LRP1B: variants seen among roughly 807,000 people sequenced by gnomAD.
The protein encoded by LRP1B is low-density lipoprotein receptor-related protein 1B.
A neutral mutation model predicts 556.6 loss-of-function variants in LRP1B; 217 were observed. The observed-to-expected ratio is 0.39, with a 90% confidence interval of 0.35 to 0.44. LRP1B has a LOEUF of 0.44. Among genes scored for constraint, LRP1B ranks in the 20% least tolerant of loss-of-function variants. The pLI is 1.00. For missense variants in LRP1B, 5,053 were observed against 5,620.8 expected (o/e 0.90, Z 3.23); for synonymous variants, 2,047 against 1,865.8 (o/e 1.10, Z -2.50).
At chr2:140,909,901 T>C (rs888016611) in intron 21 of LRP1B, among the ~76,000 whole-genome samples, 5 of 151,046 alleles carry the variant, frequency 3.3e-5, no homozygotes, top group African/African-American at 7.3e-5. Flanking sequence ...ACAAGAACTA[T>C]ACAACACTTA....
rs1309061687 is a variant in LRP1B at position 140,326,714 on chromosome 2, T to TTTATGGTAG, written c.12224-845_12224-837dup. 7.3e-5 allele frequency among the ~76,000 whole-genome samples: 11 copies of TTTATGGTAG among 151,686 alleles called. 3 individuals are homozygous for TTTATGGTAG. The Middle Eastern group carries it at 0.031, about 422-fold the overall frequency. On this transcript the variant is annotated intron_variant, in intron 79 of 90. Coordinates refer to ENST00000389484, the MANE Select transcript of LRP1B (RefSeq NM_018557.3). ...CCCCCTGCCTCAAAAAAAAAAAATG[T>TTTATGGTAG]TTATGGTAGGGAAGAATAAACAGTA...
At chr2:140,887,960 T>A (rs1693688886) in intron 23 of LRP1B, among the ~76,000 whole-genome samples, 1 of 152,132 alleles carries the variant, frequency 6.6e-6, no homozygotes, top group South Asian at 2.1e-4. Context: ...GTGCTCAAAA[T>A]TAAATAGTTG....
At chr2:141,128,513 TTACTGTTCTTCCA>T in intron 7 of LRP1B, among the ~76,000 whole-genome samples, 1 of 152,216 alleles carries the variant, frequency 6.6e-6, no homozygotes, top group Non-Finnish European at 1.5e-5. Context: ...CTGTTCTCCC[TTACTGTTCTTCCA>T]ACGCACCAAG....
intron 43 of LRP1B, among the ~76,000 whole-genome samples, chr2:140,593,239 T>C (rs1159859713): frequency 6.6e-6 from 1 of 152,192 alleles, no homozygotes; most frequent in Non-Finnish European, 1.5e-5. Flanking sequence ...TAAAAGAATG[T>C]CAGTGGTAAG....
intron 79 of LRP1B, among the ~76,000 whole-genome samples, chr2:140,326,706 A>C (rs1680501869): frequency 6.6e-6 from 1 of 152,032 alleles, no homozygotes; most frequent in Non-Finnish European, 1.5e-5. Context: ...CCTCAAAAAA[A>C]AAAAATGTTT....
intron 18 of LRP1B, among the ~76,000 whole-genome samples, chr2:140,977,756 G>C (rs1696649348): frequency 6.6e-6 from 1 of 152,064 alleles, no homozygotes; most frequent in South Asian, 2.1e-4. Context: ...CTCCTCAAAA[G>C]ACTGTATGTA....
At chr2:141,318,750 T>G (rs1687121237) in intron 3 of LRP1B, among the ~76,000 whole-genome samples, 1 of 152,138 alleles carries the variant, frequency 6.6e-6, no homozygotes, top group Non-Finnish European at 1.5e-5. Context: ...AAATTAACCA[T>G]GAAGTCTCAC....
intron 84 of LRP1B, among the ~76,000 whole-genome samples, chr2:140,284,944 CTCTGTATAA>C (rs1683075014): frequency 7.2e-6 from 1 of 139,154 alleles, no homozygotes; most frequent in Non-Finnish European, 1.6e-5. Context: ...CTATATATAA[CTCTGTATAA>C]CTAGATATCT....
chr2:141,582,172 G>T (rs1686975730), intron 2 of LRP1B, among the ~76,000 whole-genome samples: 1 of 152,046 alleles, frequency 6.6e-6, no homozygotes. Context: ...TTTTAAAAAG[G>T]GCTTTTCTCT....
intron 2 of LRP1B, among the ~76,000 whole-genome samples, chr2:141,720,957 C>A (rs1692789135): frequency 6.6e-6 from 1 of 152,076 alleles, no homozygotes; most frequent in South Asian, 2.1e-4. Context: ...GAAAGATAAT[C>A]AAGAGGATGT....
Position 140,598,837 on chromosome 2 carries a change from T to G in LRP1B, c.6990-2A>C, listed in dbSNP as rs1350224365. 1 of 1,569,670 alleles carries G rather than the reference T, an allele frequency of 6.4e-7. No homozygotes were observed. The highest frequency in any genetic ancestry group is 1.7e-5 in the Admixed American group (1 of 59,360). On this transcript the variant is annotated splice_acceptor_variant, in intron 42 of 90. Coordinates refer to ENST00000389484, the MANE Select transcript of LRP1B (RefSeq NM_018557.3). LOFTEE classifies it high-confidence loss of function. Reference sequence around the variant, plus strand: ...TTCCAGTTGGTCCAAAACATTAAACTAATTAAAATGAAAATTGTAACTATA... The same window carrying G: ...TTCCAGTTGGTCCAAAACATTAAACGAATTAAAATGAAAATTGTAACTATA...
At chr2:141,445,709 C>T (rs1392570920) in intron 3 of LRP1B, among the ~76,000 whole-genome samples, 1 of 152,210 alleles carries the variant, frequency 6.6e-6, no homozygotes, top group Non-Finnish European at 1.5e-5. Flanking sequence ...GCAGGTTGTT[C>T]AGTTTCCATG....
rs569572147 is a variant in LRP1B, at chr2:141,329,948, ATGGTAT to A, written c.344-75313_344-75308del. 6.4e-3 allele frequency among the ~76,000 whole-genome samples: 968 copies of A among 152,206 alleles called. 7 individuals carry two copies. Among genetic ancestry groups the A allele is most frequent in the Non-Finnish European group, 9.1e-3 (622 of 68,010 alleles). On this transcript the variant is annotated intron_variant, in intron 3 of 90. Transcript: ENST00000389484. ...ACGCTCAACGCATTTGATTCCTCTCATGGTATTGCACCTGGATTCTATTAATATTTT... is the reference window on the plus strand; with the variant it reads ...ACGCTCAACGCATTTGATTCCTCTCATGCACCTGGATTCTATTAATATTTT...
At position 141,730,069 on chromosome 2, in the gene LRP1B, G is replaced by A. The variant is rs150043427; in HGVS notation, c.205+80210C>T. Among the ~76,000 whole-genome samples, 334 of 152,230 alleles carry A rather than the reference G, an allele frequency of 2.2e-3. 2 individuals are homozygous for A. Among genetic ancestry groups the A allele is most frequent in the African/African-American group, 7.3e-3 (305 of 41,542 alleles). The stretch of plus-strand genomic sequence containing the variant: ...AAAACTGTCTCACGGAACTGTGGGC[G>A]AGCATTTGAAAAACATGTGAAGATC... On this transcript the variant is annotated intron_variant, in intron 2 of 90. Coordinates refer to ENST00000389484, the MANE Select transcript of LRP1B (RefSeq NM_018557.3).
rs562683075 is a variant in LRP1B at position 140,429,668 on chromosome 2, C to T, written c.10414+12836G>A. On this transcript the variant is annotated intron_variant, in intron 66 of 90. Transcript: ENST00000389484. ...TTACAAAACAACAACTCCTTTCCTTCCTAGGCATGGTTAGTGCAGTCAGAA... is the reference window on the plus strand; with the variant it reads ...TTACAAAACAACAACTCCTTTCCTTTCTAGGCATGGTTAGTGCAGTCAGAA... Among the ~76,000 whole-genome samples, 141 of 152,298 alleles carry T rather than the reference C, an allele frequency of 9.3e-4. 3 individuals carry two copies. Among genetic ancestry groups the T allele is most frequent in the African/African-American group, 2.8e-3 (116 of 41,560 alleles).
At chr2:140,790,583 T>C (rs898596787) in intron 32 of LRP1B, among the ~76,000 whole-genome samples, 2 of 152,196 alleles carry the variant, frequency 1.3e-5, no homozygotes, top group African/African-American at 4.8e-5. Context: ...CTGCTCCTTC[T>C]ATGTCAGCCT....
chr2:141,572,279 A>G (rs1433168025), intron 2 of LRP1B, among the ~76,000 whole-genome samples: 3 of 152,280 alleles, frequency 2.0e-5, no homozygotes, highest in Admixed American at 6.5e-5. Context: ...TCAATATACA[A>G]CATTCTTAAA....
rs775248679 is a variant in LRP1B at position 140,854,967 on chromosome 2, G to T, written c.4580-3184C>A. Among the ~76,000 whole-genome samples the T allele has an allele frequency of 2.6e-5, 4 of 152,118 alleles. No individual in the cohort carries two copies. In the South Asian group the frequency reaches 8.3e-4, roughly 31 times the overall value. ...AGTGCTATAATAAATCTTAACAGAT[G>T]AAATATAAATACAGCTGGGCAGACT... On this transcript the variant is annotated intron_variant, in intron 27 of 90. Transcript: ENST00000389484.
intron 3 of LRP1B, among the ~76,000 whole-genome samples, chr2:141,447,537 T>C (rs1681242136): frequency 6.6e-6 from 1 of 152,144 alleles, no homozygotes; most frequent in African/African-American, 2.4e-5. Context: ...TGTTTCCTCA[T>C]GTTCATGGAT....
Sources: allele counts gnomAD v4.1 joint callset (sites outside exome capture counted in the v4.1 genomes callset), GRCh38; gene constraint gnomAD v4.1.1; transcripts MANE v1.5; gene names NCBI Gene and HGNC (gene_info 2026-07-23, HGNC 2026-07-21).